The following ACSM2A variants were observed in gnomAD, a reference collection of about 807,000 sequenced individuals.
The protein encoded by ACSM2A is acyl-CoA synthetase medium chain family member 2A.
Under a neutral mutation model 76.6 loss-of-function variants are expected in ACSM2A, and 72 were observed. The observed-to-expected ratio is 0.94, with a 90% CI of 0.78 to 1.14. ACSM2A has a LOEUF of 1.14. Ranked by LOEUF, ACSM2A falls within the 50% of genes most tolerant of loss-of-function variation. The pLI is 0.00. For missense variants in ACSM2A, 684 were observed against 708.5 expected (o/e 0.97, Z 0.39); for synonymous variants, 249 against 255.9 (o/e 0.97, Z 0.26).
At chr16:20,475,999 G>C (rs1272484635) in intron 8 of ACSM2A, 1 of 1,174,842 alleles carries the variant, frequency 8.5e-7, no homozygotes, top group Non-Finnish European at 1.1e-6. Flanking sequence ...TGGGGAGAGA[G>C]AAAATAAACT....
chr16:20,460,082 C>G, intron 1 of ACSM2A, 25 bp from the exon 2 acceptor site: 1 of 1,587,872 alleles, frequency 6.3e-7, no homozygotes, highest in Non-Finnish European at 8.6e-7. Context: ...GAAGCTCTCA[C>G]CTGTGTCTCT....
intron 5 of ACSM2A, 51 bp downstream of exon 5, chr16:20,471,267 GA>G: frequency 2.5e-6 from 4 of 1,586,070 alleles, no homozygotes; most frequent in Non-Finnish European, 3.4e-6. Flanking sequence ...TTTGGAGTTA[GA>G]AGGAGAATGA....
At chr16:20,475,838 A>G (rs1391376772) in intron 8 of ACSM2A, 65 bp downstream of exon 8, 1 of 1,598,540 alleles carries the variant, frequency 6.3e-7, no homozygotes, top group Non-Finnish European at 8.5e-7. Context: ...CTCTTTGACA[A>G]TAAAAATTGT....
At chr16:20,485,425 C>A (rs1194767039) in intron 13 of ACSM2A, among the ~76,000 whole-genome samples, 1 of 152,176 alleles carries the variant, frequency 6.6e-6, no homozygotes, top group East Asian at 1.9e-4. Context: ...AGAGTAGCTT[C>A]CTTCTTAGCA....
chr16:20,465,524 A>T lies in ACSM2A; in HGVS notation c.185A>T (p.Lys62Met). The stretch of plus-strand genomic sequence containing the variant: ...GGGCTTCTCTTTCCTCAGGCTGGCA[A>T]GCGACTCCCAAGCCCAGCCCTGTGG... Reference protein sequence around the residue: ...DHWADMEKAGKRLPSPALWWV... With the variant: ...DHWADMEKAGMRLPSPALWWV... Residue 62 changes from lysine (K) to methionine (M), a missense_variant, in exon 3 of 14, where the codon AAG becomes ATG. Lys to Met is a moderately conservative substitution (Grantham distance 95). This residue lies in a region of ACSM2A where 519 missense variants were observed against 549.5 expected (regional missense o/e 0.94). Coordinates refer to ENST00000573854, the MANE Select transcript of ACSM2A (RefSeq NM_001308172.2). The T allele has an allele frequency of 6.2e-7, 1 of 1,613,888 alleles. No individual in the cohort carries two copies. Among genetic ancestry groups the T allele is most frequent in the Admixed American group, 1.7e-5 (1 of 60,014 alleles).
intron 10 of ACSM2A, among the ~76,000 whole-genome samples, chr16:20,480,002 C>T (rs551596304): frequency 6.6e-6 from 1 of 152,294 alleles, no homozygotes; most frequent in South Asian, 2.1e-4. Flanking sequence ...GTCTGGAGCC[C>T]ATGCCCCTAT....
intron 12 of ACSM2A, 166 bp from the exon 13 acceptor site, chr16:20,482,892 A>G: frequency 8.8e-7 from 1 of 1,136,554 alleles, no homozygotes. Flanking sequence ...AGAGAGCTGT[A>G]ACCTCATTCA....
chr16:20,477,330 C>T, intron 8 of ACSM2A, 39 bp from the exon 9 acceptor site: 1 of 1,583,994 alleles, frequency 6.3e-7, no homozygotes, highest in Middle Eastern at 1.7e-4. Context: ...CCTTGTACCT[C>T]CTCCTGAGGT....
rs893018634 is a variant in ACSM2A, at chr16:20,459,023, T to C, written c.-8-1084T>C. Among the ~76,000 whole-genome samples the C allele has an allele frequency of 3.3e-5, 5 of 149,590 alleles. No homozygotes were observed. The South Asian group carries it at 6.4e-4, about 19-fold the overall frequency. On this transcript the variant is annotated intron_variant, in intron 1 of 13. Coordinates refer to ENST00000573854, the MANE Select transcript of ACSM2A (RefSeq NM_001308172.2). ...ACCTGGATGGGATTGGAGACCATCG[T>C]TCAAAGTGAAGTAATTCAGGAATGG... is the stretch of plus-strand genomic sequence containing the variant.
chr16:20,474,038 C>G (rs918262673), intron 6 of ACSM2A: 2 of 448,564 alleles, frequency 4.5e-6, no homozygotes. Flanking sequence ...TTCAAGTTGC[C>G]CCACCTTTCT....
chr16:20,455,450 C>T (rs1278144355), intron 1 of ACSM2A, among the ~76,000 whole-genome samples: 1 of 151,314 alleles, frequency 6.6e-6, no homozygotes, highest in East Asian at 2.0e-4. Flanking sequence ...GCAGATTTCT[C>T]AGCAGAAATC....
chr16:20,461,795 T>C (rs1051552715), intron 2 of ACSM2A, among the ~76,000 whole-genome samples: 3 of 152,154 alleles, frequency 2.0e-5, no homozygotes, highest in Non-Finnish European at 4.4e-5. Flanking sequence ...CAAAAGGTTG[T>C]TTTTTTCTTT....
chr16:20,459,733 C>T (rs1406693077), intron 1 of ACSM2A, among the ~76,000 whole-genome samples: 2 of 152,156 alleles, frequency 1.3e-5, no homozygotes, highest in African/African-American at 4.8e-5. Flanking sequence ...ACTGGGAAGT[C>T]ACTTGAAAAT....
At chr16:20,459,993 A>C in intron 1 of ACSM2A, 114 bp from the exon 2 acceptor site, 1 of 1,434,464 alleles carries the variant, frequency 7.0e-7, no homozygotes, top group South Asian at 1.5e-5. Flanking sequence ...ACTACAGCAA[A>C]TTAATTCCTG....
chr16:20,473,929 A>G (rs1031002331), intron 6 of ACSM2A: 3 of 384,052 alleles, frequency 7.8e-6, no homozygotes, highest in Non-Finnish European at 1.5e-5. Context: ...ATTTATCTTA[A>G]CTAAGGCATT....
At chr16:20,458,934 ATATATATATAT>A (rs1567357079) in intron 1 of ACSM2A, among the ~76,000 whole-genome samples, 2 of 69,066 alleles carry the variant, frequency 2.9e-5, no homozygotes, top group Non-Finnish European at 5.2e-5. Context: ...ATATATATAC[ATATATATATAT>A]AATGAAATAC....
At chr16:20,468,054 G>A (rs2141715954) in intron 3 of ACSM2A, among the ~76,000 whole-genome samples, 1 of 152,182 alleles carries the variant, frequency 6.6e-6, no homozygotes, top group East Asian at 1.9e-4. Flanking sequence ...ACTATCAGAG[G>A]CGACCAAACC....
chr16:20,453,774 G>T (rs570188512), intron 1 of ACSM2A: 1 of 124,204 alleles, frequency 8.1e-6, no homozygotes, highest in Admixed American at 7.7e-5. Context: ...ATGCATTCCT[G>T]GGGGTAGGTC....
At chr16:20,454,429 G>A (rs189217197) in intron 1 of ACSM2A, among the ~76,000 whole-genome samples, 70 of 151,534 alleles carry the variant, frequency 4.6e-4, no homozygotes, top group Non-Finnish European at 8.6e-4. Flanking sequence ...CCCAGTAGTG[G>A]CAGCATTCCC....
Sources: allele counts gnomAD v4.1 joint callset (sites outside exome capture counted in the v4.1 genomes callset), GRCh38; gene constraint gnomAD v4.1.1; regional missense constraint gnomAD v4.1.1; transcripts MANE v1.5; gene names NCBI Gene and HGNC (gene_info 2026-07-23, HGNC 2026-07-21).